ZHX3: variants seen among roughly 807,000 people sequenced by gnomAD.
ZHX3 encodes the protein zinc fingers and homeoboxes protein 3.
A neutral mutation model predicts 64.5 loss-of-function variants in ZHX3; 20 were observed. The observed-to-expected ratio is 0.31, with a 90% CI of 0.22 to 0.45. The LOEUF (loss-of-function observed/expected upper bound fraction) is 0.45, where lower values mean the gene tolerates loss of function less well. Among genes scored for constraint, ZHX3 ranks in the 20% least tolerant of loss-of-function variants. The pLI, the probability that ZHX3 is intolerant of heterozygous loss-of-function variation, is 1.00. For synonymous variants in ZHX3, 423 were observed against 461.6 expected (o/e 0.92, Z 1.07); for missense variants, 1,041 against 1,195.8 (o/e 0.87, Z 1.91).
intron 1 of ZHX3, among the ~76,000 whole-genome samples, chr20:41,282,041 A>T (rs960833495): frequency 6.6e-6 from 1 of 152,142 alleles, no homozygotes; most frequent in Non-Finnish European, 1.5e-5. Context: ...GGCATGAGGG[A>T]CAGAGTTGTT....
intron 1 of ZHX3, among the ~76,000 whole-genome samples, chr20:41,316,466 C>T (rs182875079): frequency 6.6e-6 from 1 of 152,184 alleles, no homozygotes; most frequent in East Asian, 1.9e-4. Flanking sequence ...ACTAAGTTAC[C>T]ACAAATAAAG....
intron 2 of ZHX3, among the ~76,000 whole-genome samples, chr20:41,209,364 A>G (rs2038980606): frequency 6.6e-6 from 1 of 152,228 alleles, no homozygotes; most frequent in Admixed American, 6.5e-5. Flanking sequence ...GGAACAAAAA[A>G]AGAGCCCACA....
At chr20:41,220,677 TTTTG>T (rs1410712667) in intron 2 of ZHX3, among the ~76,000 whole-genome samples, 2 of 152,012 alleles carry the variant, frequency 1.3e-5, no homozygotes, top group Non-Finnish European at 2.9e-5. Flanking sequence ...TTTTGGTTTT[TTTTG>T]TTTTGTTTTG....
At chr20:41,255,886 C>T (rs1045709190) in intron 2 of ZHX3, among the ~76,000 whole-genome samples, 4 of 152,214 alleles carry the variant, frequency 2.6e-5, no homozygotes, top group Non-Finnish European at 4.4e-5. Flanking sequence ...TTGGTAAACA[C>T]ATTTCTGATT....
In ZHX3 at chr20:41,203,177, G is replaced by A. The variant is rs761379372; in HGVS notation, c.1740C>T (p.Ser580=). Residue 580 remains serine, a synonymous_variant, in exon 3 of 4, where the codon TCC becomes TCT. Coordinates refer to ENST00000683867, the MANE Select transcript of ZHX3 (RefSeq NM_001384317.1). This position sits in a 1 kb window ranked among gnomAD's most constrained non-coding sequence, Gnocchi z 7.1. ...GAATGCAGGTTACCTCAGGGACCTTGGACGATGGGGAGAAGGACACCTCTG... is the reference window on the plus strand; with the variant it reads ...GAATGCAGGTTACCTCAGGGACCTTAGACGATGGGGAGAAGGACACCTCTG... The part of the protein sequence containing the change: ...SVPEVSFSPS[S]KVPEVTCIPT... 1.2e-6 allele frequency: 2 copies of A among 1,614,150 alleles called. No individual in the cohort carries two copies. Among genetic ancestry groups the A allele is most frequent in the Admixed American group, 3.3e-5 (2 of 60,022 alleles).
chr20:41,259,671 G>A (rs1393991364), intron 2 of ZHX3, among the ~76,000 whole-genome samples: 2 of 151,894 alleles, frequency 1.3e-5, no homozygotes, highest in Non-Finnish European at 2.9e-5. Context: ...GGAGAAAGAA[G>A]AGAAAAAGAA....
chr20:41,277,600 CT>C (rs1175633696), intron 1 of ZHX3, among the ~76,000 whole-genome samples: 1 of 146,824 alleles, frequency 6.8e-6, no homozygotes, highest in Non-Finnish European at 1.5e-5. Flanking sequence ...TTTTTTTTTT[CT>C]TTTTTTTTGA....
chr20:41,296,150 C>T (rs2044504718), intron 1 of ZHX3, among the ~76,000 whole-genome samples: 1 of 146,330 alleles, frequency 6.8e-6, no homozygotes, highest in Non-Finnish European at 1.5e-5. Flanking sequence ...TTGCTTTTCA[C>T]CTTATTTGAT....
At chr20:41,198,242 C>G (rs896616259) in intron 3 of ZHX3, among the ~76,000 whole-genome samples, 1 of 151,968 alleles carries the variant, frequency 6.6e-6, no homozygotes, top group African/African-American at 2.4e-5. Flanking sequence ...GTGATCCACC[C>G]GCCTCGGCCT....
intron 3 of ZHX3, chr20:41,197,268 GTA>G: frequency 1.4e-5 from 2 of 142,192 alleles, no homozygotes; most frequent in Non-Finnish European, 3.0e-5. Flanking sequence ...ATATATAATT[GTA>G]TATATTTAAA....
chr20:41,246,222 T>C (rs899105459), intron 2 of ZHX3, among the ~76,000 whole-genome samples: 2 of 152,236 alleles, frequency 1.3e-5, no homozygotes, highest in African/African-American at 4.8e-5. Flanking sequence ...CTTCTTCAGA[T>C]ATAATACTAA....
At chr20:41,277,924 A>G (rs2043473968) in intron 1 of ZHX3, among the ~76,000 whole-genome samples, 1 of 138,966 alleles carries the variant, frequency 7.2e-6, no homozygotes, top group Non-Finnish European at 1.6e-5. Flanking sequence ...CATGTTTTAA[A>G]TGCAGAAAGT....
chr20:41,311,618 G>A (rs2045139844), intron 1 of ZHX3, among the ~76,000 whole-genome samples: 1 of 152,138 alleles, frequency 6.6e-6, no homozygotes, highest in Non-Finnish European at 1.5e-5. Flanking sequence ...CATATCAGAA[G>A]GCAGTAATGA....
rs1379836151 is a variant in ZHX3, at chr20:41,179,255, G to C, written c.*5936C>G. The C allele has an allele frequency of 6.6e-6, 1 of 152,152 alleles. No individual in the cohort carries two copies. The highest frequency in any genetic ancestry group is 2.4e-5 in the African/African-American group (1 of 41,408). The allele number at this position is 152,152 out of a possible 1,614,324, so 9.4% of individuals were successfully genotyped here. Reference sequence around the variant, plus strand: ...AACAAAGCAACTGCTCAGAAGCACAGCGGGAACCCTCTACACAGGGGTGAC... The same window carrying C: ...AACAAAGCAACTGCTCAGAAGCACACCGGGAACCCTCTACACAGGGGTGAC... On this transcript the variant is annotated 3_prime_UTR_variant, in exon 4 of 4. Coordinates refer to ENST00000683867, the MANE Select transcript of ZHX3 (RefSeq NM_001384317.1). This position sits in a 1 kb window ranked among gnomAD's most constrained non-coding sequence, Gnocchi z 4.3.
rs2146230691 is a variant in ZHX3 at position 41,202,854 on chromosome 20, T to A, written c.2063A>T (p.Glu688Val). The A allele has an allele frequency of 6.2e-7, 1 of 1,614,190 alleles. No homozygotes were observed. Among genetic ancestry groups the A allele is most frequent in the Non-Finnish European group, 8.5e-7 (1 of 1,180,030 alleles). The part of the protein sequence containing the change: ...NASQEEEEAA[E>V]DEGGEEDLAS... ...CAAATCCTCTTCTCCACCCTCATCC[T>A]CAGCAGCCTCCTCTTCCTCCTGAGA... The change falls in exon 3 of 4, where the codon GAG becomes GTG. Residue 688 changes from glutamate to valine, a missense_variant. Transcript: ENST00000683867. The surrounding 1 kb of genome is among the most constrained non-coding windows in gnomAD (Gnocchi z 7.0).
rs577328089 is a variant in ZHX3 at position 41,233,762 on chromosome 20, C to T, written c.-150-28696G>A. Among the ~76,000 whole-genome samples, 35 of 152,280 alleles carry T rather than the reference C, an allele frequency of 2.3e-4. 1 individual carries two copies. The highest frequency in any genetic ancestry group is 7.9e-4 in the African/African-American group (33 of 41,562). On this transcript the variant is annotated intron_variant, in intron 2 of 3. Transcript: ENST00000683867. ...GAACAGAACTTACATCCTGTGAGAG[C>T]AGGACTTATGCTAAAAACAAGTCTT... is the stretch of plus-strand genomic sequence containing the variant.
intron 1 of ZHX3, among the ~76,000 whole-genome samples, chr20:41,280,452 T>G (rs1193435893): frequency 6.6e-6 from 1 of 152,180 alleles, no homozygotes; most frequent in Admixed American, 6.5e-5. Context: ...AGAAAATAAT[T>G]GTAGTATTCT....
rs2041969312 is a variant in ZHX3, at chr20:41,251,080, A to C, written c.-151+17910T>G. 2.0e-5 allele frequency among the ~76,000 whole-genome samples: 3 copies of C among 152,226 alleles called. No individual in the cohort carries two copies. In the South Asian group the frequency reaches 6.2e-4, roughly 31 times the overall value. On this transcript the variant is annotated intron_variant, in intron 2 of 3. Transcript: ENST00000683867. The stretch of plus-strand genomic sequence containing the variant: ...TTTTTATGGTTAAAGGAAGTTTTTC[A>C]AACAGAAAGGAAATGATTAAAAGAA...
chr20:41,227,699 G>C (rs1417944249), intron 2 of ZHX3, among the ~76,000 whole-genome samples: 1 of 152,170 alleles, frequency 6.6e-6, no homozygotes, highest in Non-Finnish European at 1.5e-5. Context: ...CTGCCATTAT[G>C]AATTTGGTAA....
Sources: gnomAD v4.1 joint callset for allele counts (sites outside exome capture counted in the v4.1 genomes callset) on GRCh38, gnomAD v4.1.1 for gene constraint, Gnocchi (gnomAD v3.1) non-coding constraint, MANE v1.5 for transcripts, NCBI Gene and HGNC (gene_info 2026-07-23, HGNC 2026-07-21) for gene names.